Variants in RNF150 observed in about 807,000 individuals in gnomAD.
RNF150 encodes ring finger protein 150.
Under a neutral mutation model 39.3 loss-of-function variants are expected in RNF150, and 24 were observed. That is an observed-to-expected ratio of 0.61 (90% CI 0.44 to 0.86). The LOEUF (loss-of-function observed/expected upper bound fraction) is 0.86. Among genes scored for constraint, RNF150 ranks in the 40% least tolerant of loss-of-function variants. The pLI is 0.00. For missense variants in RNF150, 502 were observed against 587.8 expected, an observed-to-expected ratio of 0.85 and a Z score of 1.51; for synonymous variants, 255 against 227.3, an observed-to-expected ratio of 1.12 and a Z score of -1.10.
At chr4:140,887,938 A>G (rs1729636929) in intron 6 of RNF150, among the ~76,000 whole-genome samples, 1 of 152,222 alleles carries the variant, frequency 6.6e-6, no homozygotes, top group Non-Finnish European at 1.5e-5. Flanking sequence ...AAACACTGAC[A>G]TGAGCATGCT....
chr4:141,121,995 T>C (rs1030752374), intron 1 of RNF150, among the ~76,000 whole-genome samples: 1 of 152,108 alleles, frequency 6.6e-6, no homozygotes, highest in Non-Finnish European at 1.5e-5. Flanking sequence ...TGGGCAGCCC[T>C]AACTTTTAAA....
chr4:140,978,742 T>C (rs1042855244), intron 1 of RNF150, among the ~76,000 whole-genome samples: 1 of 152,116 alleles, frequency 6.6e-6, no homozygotes, highest in African/African-American at 2.4e-5. Context: ...GAGATTCACC[T>C]GTAGGGTTTT....
intron 6 of RNF150, among the ~76,000 whole-genome samples, chr4:140,904,780 C>T (rs750119812): frequency 6.6e-6 from 1 of 152,198 alleles, no homozygotes; most frequent in Non-Finnish European, 1.5e-5. Context: ...CATTCTTTCT[C>T]TTGTTTTCCT....
chr4:140,960,445 C>T (rs573762477), intron 2 of RNF150, among the ~76,000 whole-genome samples: 1 of 152,230 alleles, frequency 6.6e-6, no homozygotes, highest in East Asian at 1.9e-4. Flanking sequence ...CACTTTTCAA[C>T]CATACCTGAG....
At chr4:141,099,863 C>T (rs1402161212) in intron 1 of RNF150, among the ~76,000 whole-genome samples, 1 of 151,950 alleles carries the variant, frequency 6.6e-6, no homozygotes, top group Non-Finnish European at 1.5e-5. Context: ...GATGTGAACC[C>T]TCAGATTTTC....
At chr4:140,872,319 A>T (rs1728978886) in intron 6 of RNF150, among the ~76,000 whole-genome samples, 1 of 152,238 alleles carries the variant, frequency 6.6e-6, no homozygotes, top group South Asian at 2.1e-4. Flanking sequence ...CCCTCATTTG[A>T]TACAACCACT....
intron 6 of RNF150, among the ~76,000 whole-genome samples, chr4:140,877,023 G>T (rs1729182165): frequency 6.6e-6 from 1 of 152,220 alleles, no homozygotes; most frequent in South Asian, 2.1e-4. Context: ...TGGTGAAGGA[G>T]AATTCCCTGT....
intron 6 of RNF150, among the ~76,000 whole-genome samples, chr4:140,899,979 T>C (rs1015695576): frequency 1.0e-4 from 7 of 69,070 alleles, no homozygotes; most frequent in Non-Finnish European, 1.8e-4. Context: ...TCTCTCTGTG[T>C]GTGTGTGTGT....
intron 1 of RNF150, among the ~76,000 whole-genome samples, chr4:141,159,161 A>T (rs1476747698): frequency 6.6e-6 from 1 of 152,228 alleles, no homozygotes; most frequent in African/African-American, 2.4e-5. Flanking sequence ...ACCAGAGGTC[A>T]GTAAACTTTC....
At chr4:141,106,079 C>G (rs1321305000) in intron 1 of RNF150, among the ~76,000 whole-genome samples, 1 of 152,192 alleles carries the variant, frequency 6.6e-6, no homozygotes, top group Non-Finnish European at 1.5e-5. Flanking sequence ...TTCCTTTTCT[C>G]AAAGTGTTCA....
At chr4:141,128,886 G>A (rs1299757480) in intron 1 of RNF150, among the ~76,000 whole-genome samples, 1 of 152,186 alleles carries the variant, frequency 6.6e-6, no homozygotes, top group Non-Finnish European at 1.5e-5. Flanking sequence ...GTAACAGTTA[G>A]TCATCAGGGA....
At chr4:141,172,638 G>A (rs1381040211) in intron 1 of RNF150, among the ~76,000 whole-genome samples, 3 of 152,162 alleles carry the variant, frequency 2.0e-5, no homozygotes, top group Non-Finnish European at 2.9e-5. Flanking sequence ...TCACCTAGCT[G>A]AACTTCCAGA....
chr4:141,102,620 T>C (rs558227254), intron 1 of RNF150, among the ~76,000 whole-genome samples: 1 of 152,264 alleles, frequency 6.6e-6, no homozygotes, highest in South Asian at 2.1e-4. Flanking sequence ...CAGTCCTGCT[T>C]CCCTTGCTCA....
chr4:141,111,287 T>C (rs76041139), intron 1 of RNF150, among the ~76,000 whole-genome samples: 2,695 of 152,332 alleles, frequency 0.018, 39 homozygotes, highest in Middle Eastern at 0.034. Flanking sequence ...ATGTTTTTCA[T>C]TGGCAAAATA....
intron 1 of RNF150, among the ~76,000 whole-genome samples, chr4:141,047,682 G>A (rs1169243335): frequency 1.3e-5 from 2 of 152,092 alleles, no homozygotes; most frequent in Non-Finnish European, 1.5e-5. Flanking sequence ...CACATGCACA[G>A]GATTTTCCAA....
chr4:140,951,200 A>G (rs547965522), intron 2 of RNF150, among the ~76,000 whole-genome samples: 1 of 152,164 alleles, frequency 6.6e-6, no homozygotes, highest in South Asian at 2.1e-4. Context: ...TTGACATTTG[A>G]AATTTGTTTT....
intron 6 of RNF150, among the ~76,000 whole-genome samples, chr4:140,909,606 A>AAAT (rs747272069): frequency 7.7e-4 from 117 of 152,284 alleles, no homozygotes; most frequent in Middle Eastern, 3.4e-3. Flanking sequence ...GGTTAAGTAA[A>AAAT]AATATATTAT....
intron 2 of RNF150, among the ~76,000 whole-genome samples, chr4:140,949,675 C>A (rs971452874): frequency 6.8e-5 from 5 of 73,304 alleles, no homozygotes; most frequent in South Asian, 7.5e-4. Context: ...GCATACACTA[C>A]CCCCCCCCAA....
intron 6 of RNF150, among the ~76,000 whole-genome samples, chr4:140,879,845 G>C (rs571600862): frequency 3.1e-4 from 47 of 152,202 alleles, no homozygotes; most frequent in Non-Finnish European, 5.9e-5. Flanking sequence ...TTTGCACCTA[G>C]AAACTTTGAC....
Sources: gnomAD v4.1 joint callset for allele counts (sites outside exome capture counted in the v4.1 genomes callset) on GRCh38, gnomAD v4.1.1 for gene constraint, MANE v1.5 for transcripts, NCBI Gene and HGNC (gene_info 2026-07-23, HGNC 2026-07-21) for gene names.